The following ESRRG variants were observed in gnomAD, a reference collection of about 807,000 sequenced individuals.
ESRRG encodes the protein estrogen related receptor gamma.
In ESRRG, 13 loss-of-function variants were observed where a neutral mutation model predicts 44.0. The observed-to-expected ratio is 0.30, with a 90% CI of 0.19 to 0.47. ESRRG has a LOEUF of 0.47. ESRRG is among the 20% of genes least tolerant of loss of function. ESRRG has a pLI of 1.00. For missense variants in ESRRG, 395 were observed against 580.6 expected, an observed-to-expected ratio of 0.68 and a Z score of 3.29; for synonymous variants, 215 against 214.6, an observed-to-expected ratio of 1.00 and a Z score of -0.02.
In ESRRG at chr1:216,595,225, G is replaced by A. The variant is rs537408190; in HGVS notation, c.590-27127C>T. Among the ~76,000 whole-genome samples the A allele has an allele frequency of 1.1e-4, 16 of 152,210 alleles. 1 individual carries two copies. The South Asian group carries it at 2.7e-3, about 26-fold the overall frequency. On this transcript the variant is annotated intron_variant, in intron 3 of 6. Coordinates refer to ENST00000408911, the MANE Select transcript of ESRRG (RefSeq NM_001438.4). Reference sequence around the variant, plus strand: ...AGAAAACATAGCTCATTTTTTCAAAGTTGATATTATTACCTGGGAAGGCTT... The same window carrying A: ...AGAAAACATAGCTCATTTTTTCAAAATTGATATTATTACCTGGGAAGGCTT...
At chr1:217,106,579 C>T (rs2151577598) in intron 1 of ESRRG, among the ~76,000 whole-genome samples, 1 of 152,286 alleles carries the variant, frequency 6.6e-6, no homozygotes, top group South Asian at 2.1e-4. Flanking sequence ...AGTTGTTTTG[C>T]ATAAAGAACC....
At chr1:216,771,732 A>G (rs1210536162) in intron 2 of ESRRG, among the ~76,000 whole-genome samples, 1 of 151,948 alleles carries the variant, frequency 6.6e-6, no homozygotes, top group Non-Finnish European at 1.5e-5. Context: ...TATTTACTGT[A>G]CTGTGGTATT....
chr1:216,552,848 TAAAC>T (rs1189967977), intron 5 of ESRRG, among the ~76,000 whole-genome samples: 2 of 152,194 alleles, frequency 1.3e-5, no homozygotes, highest in Non-Finnish European at 2.9e-5. Flanking sequence ...TGCTTTTAAA[TAAAC>T]AATCATATTT....
chr1:216,841,827 C>T (rs1399740706), intron 2 of ESRRG, among the ~76,000 whole-genome samples: 2 of 151,930 alleles, frequency 1.3e-5, no homozygotes, highest in African/African-American at 2.4e-5. Context: ...TTTACTTCCT[C>T]ATTAATTTTT....
intron 2 of ESRRG, among the ~76,000 whole-genome samples, chr1:216,824,244 T>TA (rs1226167137): frequency 6.6e-6 from 1 of 152,066 alleles, no homozygotes; most frequent in Non-Finnish European, 1.5e-5. Flanking sequence ...GTCAGGAGTT[T>TA]GAGACCAGCC....
intron 1 of ESRRG, among the ~76,000 whole-genome samples, chr1:217,133,645 C>CTCTCTCTCTCTTTCTTTCTTTCTTTCTT (rs1266397788): frequency 2.6e-3 from 236 of 91,570 alleles, no homozygotes; most frequent in Non-Finnish European, 3.9e-3. Context: ...CTCTCTCTCT[C>CTCTCTCTCTCTTTCTTTCTTTCTTTCTT]TCTTTCTTTC....
chr1:216,513,400 A>C (rs1221126244), intron 6 of ESRRG, among the ~76,000 whole-genome samples: 1 of 152,208 alleles, frequency 6.6e-6, no homozygotes, highest in East Asian at 1.9e-4. Flanking sequence ...ATGATTTTAA[A>C]ATCGAAAATA....
chr1:216,897,872 T>A (rs554141056), intron 2 of ESRRG, among the ~76,000 whole-genome samples: 2 of 152,200 alleles, frequency 1.3e-5, no homozygotes, highest in East Asian at 3.9e-4. Flanking sequence ...TGTACCCAGA[T>A]GGGCAGCCTA....
At chr1:216,895,316 G>A (rs767885967) in intron 2 of ESRRG, among the ~76,000 whole-genome samples, 3 of 152,048 alleles carry the variant, frequency 2.0e-5, no homozygotes, top group African/African-American at 2.4e-5. Flanking sequence ...ATCCATCTAA[G>A]AGCAAACTCA....
At chr1:216,967,433 C>G (rs548287447) in intron 1 of ESRRG, among the ~76,000 whole-genome samples, 1 of 152,160 alleles carries the variant, frequency 6.6e-6, no homozygotes, top group Non-Finnish European at 1.5e-5. Context: ...TCTTTTTTTA[C>G]TGTCTCCATA....
chr1:216,967,765 G>A (rs2070771457), intron 1 of ESRRG, among the ~76,000 whole-genome samples: 1 of 152,052 alleles, frequency 6.6e-6, no homozygotes, highest in Non-Finnish European at 1.5e-5. Context: ...GAACATGATT[G>A]TTGAATCATA....
rs183460007 is a variant in ESRRG, at chr1:216,613,429, G to T, written c.589+37544C>A. On this transcript the variant is annotated intron_variant, in intron 3 of 6. Coordinates refer to ENST00000408911, the MANE Select transcript of ESRRG (RefSeq NM_001438.4). ...ATTCTTCATGACCCAAATTATTTTT[G>T]GCAGAGGTGCTATAAGTTTTTCCCT... 4.3e-3 allele frequency among the ~76,000 whole-genome samples: 657 copies of T among 152,140 alleles called. 8 individuals carry two copies. The highest frequency in any genetic ancestry group is 0.015 in the African/African-American group (629 of 41,486).
At chr1:216,788,650 A>G (rs2094210917) in intron 2 of ESRRG, among the ~76,000 whole-genome samples, 1 of 152,166 alleles carries the variant, frequency 6.6e-6, no homozygotes, top group Non-Finnish European at 1.5e-5. Context: ...CTTTCAGGTC[A>G]TTATTTAAGA....
intron 1 of ESRRG, among the ~76,000 whole-genome samples, chr1:217,042,345 ATTTC>A (rs2084002835): frequency 6.6e-6 from 1 of 152,136 alleles, no homozygotes; most frequent in East Asian, 1.9e-4. Context: ...CTGACCACCA[ATTTC>A]TTTGATTCCC....
At chr1:216,934,646 C>A (rs986243775) in intron 2 of ESRRG, among the ~76,000 whole-genome samples, 5 of 152,086 alleles carry the variant, frequency 3.3e-5, no homozygotes, top group Admixed American at 3.3e-4. Context: ...GACATATTAA[C>A]CATCACAAGA....
chr1:216,685,365 A>G (rs2077741029), intron 1 of ESRRG, among the ~76,000 whole-genome samples: 2 of 152,198 alleles, frequency 1.3e-5, no homozygotes, highest in Admixed American at 6.5e-5. Flanking sequence ...CTCTGCAGTA[A>G]GCTTTCTAGG....
intron 2 of ESRRG, among the ~76,000 whole-genome samples, chr1:216,671,861 A>T (rs2075248980): frequency 1.3e-5 from 2 of 152,296 alleles, no homozygotes; most frequent in South Asian, 2.1e-4. Flanking sequence ...TTATATGGAC[A>T]TAAAAACTTC....
At chr1:216,564,709 T>C (rs981484178) in intron 4 of ESRRG, among the ~76,000 whole-genome samples, 9 of 152,154 alleles carry the variant, frequency 5.9e-5, no homozygotes, top group Admixed American at 5.2e-4. Context: ...GTGCTTTGAT[T>C]CTTAAGTGGG....
intron 6 of ESRRG, among the ~76,000 whole-genome samples, chr1:216,516,668 C>CACACACACACAGAGAGAG (rs376701865): frequency 1.5e-5 from 2 of 137,248 alleles, no homozygotes; most frequent in African/African-American, 5.9e-5. Context: ...CACACACACA[C>CACACACACACAGAGAGAG]AGAGAGAGAG....
Sources: gnomAD v4.1 joint callset for allele counts (sites outside exome capture counted in the v4.1 genomes callset) on GRCh38, gnomAD v4.1.1 for gene constraint, MANE v1.5 for transcripts, NCBI Gene and HGNC (gene_info 2026-07-23, HGNC 2026-07-21) for gene names.